The following DOCK1 variants were observed in gnomAD, a reference collection of about 807,000 sequenced individuals.
DOCK1 encodes the protein dedicator of cytokinesis protein 1.
Under a neutral mutation model 262.7 loss-of-function variants are expected in DOCK1, and 138 were observed. The ratio of observed to expected loss-of-function variants is 0.53; its 90% CI spans 0.46 to 0.61. DOCK1 has a LOEUF of 0.61. DOCK1 is among the 20% of genes least tolerant of loss of function. The pLI is 0.00. For missense variants in DOCK1, 1,908 were observed against 2,370.7 expected (o/e 0.80, Z 4.05); for synonymous variants, 866 against 867.4 (o/e 1.00, Z 0.03).
chr10:127,102,013 T>C (rs1184193543), intron 23 of DOCK1, among the ~76,000 whole-genome samples: 2 of 152,166 alleles, frequency 1.3e-5, no homozygotes, highest in Non-Finnish European at 2.9e-5. Context: ...GATTTAGTGC[T>C]CTTTTGAAAA....
intron 29 of DOCK1, among the ~76,000 whole-genome samples, chr10:127,306,180 A>AT (rs2061868449): frequency 6.6e-6 from 1 of 151,866 alleles, no homozygotes; most frequent in South Asian, 2.1e-4. Flanking sequence ...ATGCCCAGCT[A>AT]TTTTTTGTAT....
At chr10:127,282,272 C>G (rs922974071) in intron 29 of DOCK1, among the ~76,000 whole-genome samples, 2 of 152,056 alleles carry the variant, frequency 1.3e-5, no homozygotes, top group African/African-American at 4.8e-5. Context: ...CTCTCTGTCT[C>G]TCATCTCTCA....
At chr10:126,909,418 G>T (rs969527947) in intron 1 of DOCK1, among the ~76,000 whole-genome samples, 3 of 152,200 alleles carry the variant, frequency 2.0e-5, no homozygotes, top group Non-Finnish European at 2.9e-5. Context: ...ATACATTTGT[G>T]TGGTTTTAAG....
At chr10:126,945,470 A>G (rs1046452465) in intron 1 of DOCK1, among the ~76,000 whole-genome samples, 5,446 of 149,006 alleles carry the variant, frequency 0.037, 137 homozygotes, top group Middle Eastern at 0.1. Context: ...AGAGAGAGAG[A>G]GGGAGAGAGA....
chr10:127,246,306 AC>A (rs2059428739), intron 27 of DOCK1, among the ~76,000 whole-genome samples: 1 of 152,148 alleles, frequency 6.6e-6, no homozygotes, highest in South Asian at 2.1e-4. Context: ...CCTCAGTTTC[AC>A]TGCCTGTAAA....
chr10:126,912,430 C>CAA lies in DOCK1; in HGVS notation c.46+6878_46+6879dup, dbSNP rs35586867. On this transcript the variant is annotated intron_variant, in intron 1 of 51. Transcript: ENST00000623213. ...GGGCAACAAGAGCAAAACTCCATCT[C>CAA]AAAAAAAAAAAAGAGACCGGGCGCG... 6.6e-4 allele frequency among the ~76,000 whole-genome samples: 91 copies of CAA among 137,930 alleles called. 1 individual carries two copies. The highest frequency in any genetic ancestry group is 1.0e-3 in the Admixed American group (14 of 13,866). The allele number at this position is 137,930 out of a possible 152,430, so 90.5% of individuals were successfully genotyped here.
intron 27 of DOCK1, among the ~76,000 whole-genome samples, chr10:127,165,566 A>G (rs538410979): frequency 1.3e-5 from 2 of 152,200 alleles, no homozygotes; most frequent in African/African-American, 4.8e-5. Flanking sequence ...TTTCCAGCCT[A>G]TCTTTAAGGT....
rs546480155 is a variant in DOCK1, at chr10:127,022,447, C to T, written c.1328-753C>T. ...TGCACCCATTAGCTCGCTTTTGAGA[C>T]GGAGTTTTGCTCTGTTGCTGAGGCT... On this transcript the variant is annotated intron_variant, in intron 13 of 51. Transcript: ENST00000623213. 7.2e-5 allele frequency among the ~76,000 whole-genome samples: 11 copies of T among 152,178 alleles called. No individual in the cohort carries two copies. In the East Asian group the frequency reaches 9.7e-4, roughly 13 times the overall value.
intron 1 of DOCK1, among the ~76,000 whole-genome samples, chr10:126,926,782 G>A (rs1174119316): frequency 6.6e-6 from 1 of 152,222 alleles, no homozygotes; most frequent in Middle Eastern, 3.2e-3. Context: ...CCAGCAGCCC[G>A]TAGGGCTCCC....
At chr10:126,908,085 T>C (rs919704747) in intron 1 of DOCK1, among the ~76,000 whole-genome samples, 10 of 143,542 alleles carry the variant, frequency 7.0e-5, no homozygotes, top group Admixed American at 2.0e-4. Flanking sequence ...ACAGCACCAC[T>C]CCATCGGCAT....
rs192945283 is a variant in DOCK1, at chr10:127,451,570, A to C, written c.*143A>C. ...GACTGCTTTTTCTTCAAAGGAGTTC[A>C]GTTCTCACCATGGAGTGAGTGGCCT... On this transcript the variant is annotated 3_prime_UTR_variant, in exon 52 of 52. Transcript: ENST00000623213. 2.5e-5 allele frequency: 38 copies of C among 1,496,940 alleles called. No homozygotes were observed. The African/African-American group carries it at 4.3e-4, about 17-fold the overall frequency. 92.7% of individuals were successfully genotyped at this position (1,496,940 alleles called of 1,614,324 possible).
At chr10:127,191,922 G>A (rs866012571) in intron 27 of DOCK1, among the ~76,000 whole-genome samples, 7 of 152,208 alleles carry the variant, frequency 4.6e-5, no homozygotes, top group South Asian at 2.1e-4. Flanking sequence ...TCAGCATTCC[G>A]TAGCCTCCTT....
At position 127,418,472 on chromosome 10, in the gene DOCK1, C is replaced by T. The variant is rs775203530; in HGVS notation, c.4623C>T (p.Asn1541=). 5.6e-6 allele frequency: 9 copies of T among 1,614,018 alleles called. No individual in the cohort carries two copies. The highest frequency in any genetic ancestry group is 7.6e-6 in the Non-Finnish European group (9 of 1,180,036). The change falls in exon 45 of 52, where the codon AAC becomes AAT. Residue 1541 remains asparagine, a synonymous_variant. Coordinates refer to ENST00000623213, the MANE Select transcript of DOCK1 (RefSeq NM_001290223.2). The part of the protein sequence containing the change: ...QHLDDPSLPI[N]PLSMLLNGIV... Reference sequence around the variant, plus strand: ...TGGATGACCCCAGCCTGCCCATCAACCCGCTCTCCATGCTCCTGAACGGCA... The same window carrying T: ...TGGATGACCCCAGCCTGCCCATCAATCCGCTCTCCATGCTCCTGAACGGCA...
At chr10:127,369,644 T>A (rs967260545) in intron 33 of DOCK1, among the ~76,000 whole-genome samples, 1 of 152,224 alleles carries the variant, frequency 6.6e-6, no homozygotes, top group Admixed American at 6.5e-5. Flanking sequence ...TGGCCTGCGA[T>A]GCAGCCATGC....
At chr10:127,004,257 A>G (rs1457433746) in intron 10 of DOCK1, among the ~76,000 whole-genome samples, 1 of 148,796 alleles carries the variant, frequency 6.7e-6, no homozygotes, top group African/African-American at 2.5e-5. Flanking sequence ...AAAAGAAAAG[A>G]AAACAAAACA....
At chr10:127,332,632 C>G (rs529387162) in intron 29 of DOCK1, among the ~76,000 whole-genome samples, 8 of 152,168 alleles carry the variant, frequency 5.3e-5, no homozygotes, top group Non-Finnish European at 1.2e-4. Flanking sequence ...CCACCGTTTC[C>G]CAAATCCCAA....
chr10:127,090,102 C>T (rs909041246), intron 23 of DOCK1, among the ~76,000 whole-genome samples: 2 of 152,072 alleles, frequency 1.3e-5, no homozygotes, highest in African/African-American at 4.8e-5. Flanking sequence ...GTTCGGGACA[C>T]TGGGATGCTT....
At chr10:127,384,673 A>T (rs2066004448) in intron 37 of DOCK1, 117 bp from the exon 38 acceptor site, 2 of 1,248,036 alleles carry the variant, frequency 1.6e-6, no homozygotes, top group Admixed American at 3.8e-5. Flanking sequence ...TGTTGACAGC[A>T]GCCACACATG....
intron 48 of DOCK1, among the ~76,000 whole-genome samples, chr10:127,434,620 T>G (rs1565090249): frequency 6.6e-6 from 1 of 150,628 alleles, no homozygotes. Context: ...TTGCATTCTT[T>G]CCCCCCACCC....
Sources: gnomAD v4.1 joint callset for allele counts (sites outside exome capture counted in the v4.1 genomes callset) on GRCh38, gnomAD v4.1.1 for gene constraint, MANE v1.5 for transcripts, NCBI Gene and HGNC (gene_info 2026-07-23, HGNC 2026-07-21) for gene names.